STAU2: variants seen among roughly 807,000 people sequenced by gnomAD.
STAU2 encodes staufen double-stranded RNA binding protein 2.
A neutral mutation model predicts 65.9 loss-of-function variants in STAU2; 20 were observed. That is an observed-to-expected ratio of 0.30 (90% CI 0.21 to 0.44). The LOEUF is 0.44. STAU2 is among the 20% of genes least tolerant of loss of function. The pLI, the probability that STAU2 is intolerant of heterozygous loss-of-function variation, is 1.00. For missense variants in STAU2, 558 were observed against 683.9 expected, an observed-to-expected ratio of 0.82 and a Z score of 2.05; for synonymous variants, 232 against 233.9, an observed-to-expected ratio of 0.99 and a Z score of 0.07.
chr8:73,583,525 T>A (rs1810146412), intron 11 of STAU2, among the ~76,000 whole-genome samples: 1 of 152,128 alleles, frequency 6.6e-6, no homozygotes, highest in Non-Finnish European at 1.5e-5. Context: ...TTTGTATGAT[T>A]CCCGAGGTCA....
intron 6 of STAU2, among the ~76,000 whole-genome samples, chr8:73,655,196 GTT>G (rs1816261948): frequency 6.6e-6 from 1 of 152,174 alleles, no homozygotes; most frequent in Non-Finnish European, 1.5e-5. Context: ...TACAGCTAAA[GTT>G]TTAATTCACA....
chr8:73,549,304 T>G (rs1037617898), intron 13 of STAU2, among the ~76,000 whole-genome samples: 1 of 152,128 alleles, frequency 6.6e-6, no homozygotes, highest in African/African-American at 2.4e-5. Context: ...TTGAAAGAAA[T>G]AAACATTCAT....
chr8:73,534,209 A>C (rs929386687), intron 13 of STAU2, among the ~76,000 whole-genome samples: 1 of 152,218 alleles, frequency 6.6e-6, no homozygotes, highest in Non-Finnish European at 1.5e-5. Flanking sequence ...AGAAGAGTAC[A>C]GGCAGCAAGG....
chr8:73,426,925 GA>G lies in STAU2; in HGVS notation c.1531-4224del, dbSNP rs1315506178. Among the ~76,000 whole-genome samples the G allele has an allele frequency of 4.8e-5, 6 of 125,158 alleles. No homozygotes were observed. In the East Asian group the frequency reaches 1.1e-3, roughly 22 times the overall value. 82.1% of individuals were successfully genotyped at this position (125,158 alleles called of 152,430 possible). On this transcript the variant is annotated intron_variant, in intron 13 of 14. Transcript: ENST00000524300. ...GCCAAAGATGATGTCCATTTTTAAA[GA>G]TTTTTTTTTTTTTTTTTTTGAGACA...
chr8:73,619,321 T>C (rs913026627), intron 6 of STAU2, among the ~76,000 whole-genome samples: 9 of 152,234 alleles, frequency 5.9e-5, no homozygotes, highest in Non-Finnish European at 1.2e-4. Flanking sequence ...TTGAGCAACT[T>C]AGCAAAATAA....
intron 9 of STAU2, among the ~76,000 whole-genome samples, chr8:73,605,458 G>A (rs1278831394): frequency 1.3e-5 from 2 of 151,678 alleles, no homozygotes; most frequent in Non-Finnish European, 2.9e-5. Flanking sequence ...ACAGGCGCAC[G>A]CCACCATGCC....
intron 6 of STAU2, among the ~76,000 whole-genome samples, chr8:73,622,127 TTTTTTTTTTTTTTTTTTTGAGA>T (rs1813297037): frequency 1.9e-5 from 1 of 53,650 alleles, no homozygotes; most frequent in Non-Finnish European, 3.4e-5. Context: ...CAGCTAATTT[TTTTTTTTTTTTTTTTTTTGAGA>T]CGGAGTCTCG....
intron 11 of STAU2, among the ~76,000 whole-genome samples, chr8:73,592,951 G>A (rs1383194836): frequency 1.3e-5 from 2 of 152,130 alleles, no homozygotes; most frequent in African/African-American, 4.8e-5. Context: ...AATATATTCA[G>A]TCCTCTTATT....
At chr8:73,608,241 G>C (rs1250687716) in intron 9 of STAU2, among the ~76,000 whole-genome samples, 2 of 152,162 alleles carry the variant, frequency 1.3e-5, no homozygotes, top group African/African-American at 4.8e-5. Context: ...TAGTAGTTCA[G>C]GTTAATAGAT....
chr8:73,730,163 A>G (rs1183049396), intron 3 of STAU2, among the ~76,000 whole-genome samples: 1 of 152,096 alleles, frequency 6.6e-6, no homozygotes, highest in African/African-American at 2.4e-5. Context: ...ATTGCTAATA[A>G]TTTCCCTCTC....
At chr8:73,547,540 G>A (rs1807017343) in intron 13 of STAU2, among the ~76,000 whole-genome samples, 1 of 152,262 alleles carries the variant, frequency 6.6e-6, no homozygotes, top group East Asian at 1.9e-4. Flanking sequence ...TAACAAACCT[G>A]AGTGTTAATG....
chr8:73,668,043 CTAAAG>C (rs1817362788), intron 6 of STAU2, among the ~76,000 whole-genome samples: 1 of 152,100 alleles, frequency 6.6e-6, no homozygotes, highest in African/African-American at 2.4e-5. Flanking sequence ...CCAGGCTTGG[CTAAAG>C]TAAAGTATGT....
At chr8:73,508,620 A>G (rs1026190945) in intron 13 of STAU2, among the ~76,000 whole-genome samples, 2 of 152,238 alleles carry the variant, frequency 1.3e-5, no homozygotes, top group African/African-American at 2.4e-5. Flanking sequence ...TGGTGCTGAT[A>G]GACGCTCGAC....
intron 4 of STAU2, among the ~76,000 whole-genome samples, chr8:73,700,895 A>T (rs1420541659): frequency 1.3e-5 from 2 of 152,136 alleles, no homozygotes. Flanking sequence ...ATAGAAACCA[A>T]AACAACAGGG....
At chr8:73,522,882 T>G (rs1823115476) in intron 13 of STAU2, among the ~76,000 whole-genome samples, 1 of 152,216 alleles carries the variant, frequency 6.6e-6, no homozygotes, top group East Asian at 1.9e-4. Context: ...CTTAGACCAC[T>G]TTTTGTAGAC....
intron 13 of STAU2, among the ~76,000 whole-genome samples, chr8:73,423,041 C>A (rs1816505659): frequency 6.6e-6 from 1 of 152,234 alleles, no homozygotes; most frequent in Non-Finnish European, 1.5e-5. Flanking sequence ...TACACATTCT[C>A]TTCTCTCAGG....
chr8:73,592,315 G>C (rs1392515612), intron 11 of STAU2, among the ~76,000 whole-genome samples: 2 of 152,028 alleles, frequency 1.3e-5, no homozygotes, highest in South Asian at 2.1e-4. Context: ...GTAAAGAAAT[G>C]TTATTTAGAT....
chr8:73,589,307 C>T (rs1396465361), intron 11 of STAU2, among the ~76,000 whole-genome samples: 1 of 152,124 alleles, frequency 6.6e-6, no homozygotes, highest in East Asian at 1.9e-4. Flanking sequence ...GTTGCAAGGT[C>T]CAACACTCAT....
intron 13 of STAU2, among the ~76,000 whole-genome samples, chr8:73,495,794 A>C (rs564813398): frequency 6.6e-6 from 1 of 151,314 alleles, no homozygotes; most frequent in Admixed American, 6.6e-5. Flanking sequence ...TTATGATATT[A>C]ATCTACGGAA....
Sources: allele counts gnomAD v4.1 joint callset (sites outside exome capture counted in the v4.1 genomes callset), GRCh38; gene constraint gnomAD v4.1.1; transcripts MANE v1.5; gene names NCBI Gene and HGNC (gene_info 2026-07-23, HGNC 2026-07-21).